Variants in LRBA observed in about 807,000 individuals in gnomAD.
The protein encoded by LRBA is lipopolysaccharide-responsive and beige-like anchor protein.
A neutral mutation model predicts 330.0 loss-of-function variants in LRBA; 176 were observed. That is an observed-to-expected ratio of 0.53 (90% CI 0.47 to 0.60). The LOEUF is 0.60. Ranked by LOEUF, LRBA falls within the 20% of genes least tolerant of loss-of-function variation. The probability of loss-of-function intolerance (pLI) is 0.00; values close to 1 mark genes in which losing one functional copy is unlikely to be tolerated. For synonymous variants in LRBA, 1,230 were observed against 1,193.0 expected, an observed-to-expected ratio of 1.03 and a Z score of -0.64; for missense variants, 3,259 against 3,444.8, an observed-to-expected ratio of 0.95 and a Z score of 1.35.
intron 47 of LRBA, among the ~76,000 whole-genome samples, chr4:150,373,613 C>T (rs917878145): frequency 6.6e-6 from 1 of 152,142 alleles, no homozygotes; most frequent in Non-Finnish European, 1.5e-5. Context: ...CTTCAGCTGA[C>T]CCTCAAAATA....
chr4:150,702,932 G>A (rs1032291389), intron 36 of LRBA, among the ~76,000 whole-genome samples: 1 of 152,226 alleles, frequency 6.6e-6, no homozygotes. Flanking sequence ...GGCCAAGGCA[G>A]GGGGATCACC....
chr4:150,339,770 C>T (rs1473791237), intron 48 of LRBA, among the ~76,000 whole-genome samples: 2 of 151,606 alleles, frequency 1.3e-5, no homozygotes, highest in Admixed American at 1.3e-4. Context: ...TGATGATACA[C>T]AGTATTCTAC....
At chr4:150,492,737 G>T (rs1171654183) in intron 40 of LRBA, among the ~76,000 whole-genome samples, 1 of 151,884 alleles carries the variant, frequency 6.6e-6, no homozygotes, top group South Asian at 2.1e-4. Flanking sequence ...CTCATATCTG[G>T]GACTGTCAGA....
At chr4:150,379,622 A>G (rs1257325384) in intron 47 of LRBA, among the ~76,000 whole-genome samples, 1 of 152,212 alleles carries the variant, frequency 6.6e-6, no homozygotes, top group Non-Finnish European at 1.5e-5. Flanking sequence ...GATGGTTCAA[A>G]AAACAAAAAA....
intron 9 of LRBA, among the ~76,000 whole-genome samples, chr4:150,913,140 C>T (rs564065164): frequency 1.8e-4 from 28 of 152,296 alleles, no homozygotes; most frequent in Middle Eastern, 3.4e-3. Flanking sequence ...TGGCATAACA[C>T]ATGTCTATCC....
rs779324925 is a variant in LRBA at position 150,666,601 on chromosome 4, C to G, written c.5921+16950G>C. Among the ~76,000 whole-genome samples, 11 of 152,208 alleles carry G rather than the reference C, an allele frequency of 7.2e-5. No homozygotes were observed. The South Asian group carries it at 2.3e-3, about 32-fold the overall frequency. On this transcript the variant is annotated intron_variant, in intron 37 of 56. Coordinates refer to ENST00000651943, the MANE Select transcript of LRBA (RefSeq NM_001364905.1). ...CATTGTATTCAGTATTATATGTAAT[C>G]TAGAGATGATACAGCAGAAGGATAT... is the stretch of plus-strand genomic sequence containing the variant.
intron 36 of LRBA, among the ~76,000 whole-genome samples, chr4:150,714,691 T>C (rs1249401944): frequency 6.6e-6 from 1 of 152,188 alleles, no homozygotes; most frequent in Non-Finnish European, 1.5e-5. Context: ...CATATGTTAA[T>C]TAGCTATGTT....
intron 40 of LRBA, chr4:150,582,912 G>C: frequency 1.6e-6 from 2 of 1,246,330 alleles, no homozygotes; most frequent in Non-Finnish European, 2.2e-6. Flanking sequence ...TGAAAGTAGG[G>C]CTTAACGGGG....
At chr4:150,274,865 C>G (rs1320521833) in intron 56 of LRBA, among the ~76,000 whole-genome samples, 1 of 152,166 alleles carries the variant, frequency 6.6e-6, no homozygotes, top group Non-Finnish European at 1.5e-5. Flanking sequence ...CAAAAAGGAG[C>G]TGGTACCATT....
intron 28 of LRBA, among the ~76,000 whole-genome samples, chr4:150,843,269 C>T (rs1749371698): frequency 6.7e-6 from 1 of 150,368 alleles, no homozygotes; most frequent in African/African-American, 2.5e-5. Flanking sequence ...TAGTCAAGAA[C>T]TAAAGAGAAT....
At chr4:150,977,456 G>A (rs1740316578) in intron 2 of LRBA, among the ~76,000 whole-genome samples, 1 of 152,142 alleles carries the variant, frequency 6.6e-6, no homozygotes, top group East Asian at 1.9e-4. Flanking sequence ...TTGATTACTT[G>A]CTGACTAAAG....
intron 34 of LRBA, among the ~76,000 whole-genome samples, chr4:150,770,303 C>T (rs185811615): frequency 2.6e-5 from 4 of 152,108 alleles, no homozygotes; most frequent in African/African-American, 9.6e-5. Flanking sequence ...TGAGCCAATC[C>T]CTCATAATAA....
At chr4:150,951,892 T>G (rs1736873779) in intron 2 of LRBA, among the ~76,000 whole-genome samples, 1 of 152,220 alleles carries the variant, frequency 6.6e-6, no homozygotes, top group South Asian at 2.1e-4. Context: ...TTTTTCTTCT[T>G]TAAAGCTTAC....
intron 40 of LRBA, among the ~76,000 whole-genome samples, chr4:150,527,043 T>C: frequency 6.6e-6 from 1 of 152,024 alleles, no homozygotes; most frequent in East Asian, 1.9e-4. Context: ...ACTGGGTTAT[T>C]TAATCTATAG....
chr4:150,748,102 T>G (rs1732999450), intron 35 of LRBA, among the ~76,000 whole-genome samples: 1 of 152,204 alleles, frequency 6.6e-6, no homozygotes, highest in South Asian at 2.1e-4. Flanking sequence ...GAAATAATCT[T>G]TGATTTTGTC....
chr4:150,290,600 C>T lies in LRBA; in HGVS notation c.8018-4566G>A, dbSNP rs1728159957. Among the ~76,000 whole-genome samples the T allele has an allele frequency of 3.3e-5, 5 of 152,294 alleles. No individual in the cohort carries two copies. The South Asian group carries it at 8.3e-4, about 25-fold the overall frequency. Reference sequence around the variant, plus strand: ...AAAATAAAAAGAGAAAGAGGACAGACTTCTAGGACTGCTTTGAAAAGCTTG... The same window carrying T: ...AAAATAAAAAGAGAAAGAGGACAGATTTCTAGGACTGCTTTGAAAAGCTTG... On this transcript the variant is annotated intron_variant, in intron 53 of 56. Coordinates refer to ENST00000651943, the MANE Select transcript of LRBA (RefSeq NM_001364905.1).
At chr4:150,703,601 A>C (rs1296236269) in intron 36 of LRBA, among the ~76,000 whole-genome samples, 1 of 152,226 alleles carries the variant, frequency 6.6e-6, no homozygotes, top group Non-Finnish European at 1.5e-5. Flanking sequence ...AGTAATTCTC[A>C]CAAGTTGTCC....
At chr4:150,384,108 A>C (rs1432610320) in intron 47 of LRBA, among the ~76,000 whole-genome samples, 1 of 151,944 alleles carries the variant, frequency 6.6e-6, no homozygotes, top group East Asian at 1.9e-4. Flanking sequence ...GTGCGATCTC[A>C]GCTCACCGCA....
intron 37 of LRBA, among the ~76,000 whole-genome samples, chr4:150,659,084 C>A (rs1393210520): frequency 7.3e-6 from 1 of 137,430 alleles, no homozygotes; most frequent in Non-Finnish European, 1.6e-5. Context: ...CACCTCCCAG[C>A]CGCCTGCCTT....
Sources: allele counts gnomAD v4.1 joint callset (sites outside exome capture counted in the v4.1 genomes callset), GRCh38; gene constraint gnomAD v4.1.1; transcripts MANE v1.5; gene names NCBI Gene and HGNC (gene_info 2026-07-23, HGNC 2026-07-21).